Variants in CLASP2 observed in about 807,000 individuals in gnomAD.
CLASP2 encodes the protein cytoplasmic linker associated protein 2, also known as CLIP-associating protein 2.
In CLASP2, 47 loss-of-function variants were observed where a neutral mutation model predicts 194.4. The observed-to-expected ratio is 0.24, with a 90% CI of 0.19 to 0.31. CLASP2 has a LOEUF of 0.31. Among genes scored for constraint, CLASP2 ranks in the 10% least tolerant of loss-of-function variants. CLASP2 has a pLI of 1.00. For synonymous variants in CLASP2, 619 were observed against 633.5 expected, an observed-to-expected ratio of 0.98 and a Z score of 0.34; for missense variants, 1,445 against 1,823.6, an observed-to-expected ratio of 0.79 and a Z score of 3.78.
intron 24 of CLASP2, among the ~76,000 whole-genome samples, chr3:33,573,918 A>G (rs1039570993): frequency 2.0e-5 from 3 of 152,052 alleles, no homozygotes; most frequent in African/African-American, 7.2e-5. Context: ...ATGATGAAAA[A>G]CTATTTAGTC....
At chr3:33,601,578 A>T (rs1358473006) in intron 18 of CLASP2, among the ~76,000 whole-genome samples, 3 of 151,986 alleles carry the variant, frequency 2.0e-5, no homozygotes, top group East Asian at 3.9e-4. Context: ...AATTCAAGAG[A>T]TTTTTTTCCT....
chr3:33,665,625 T>C (rs2086051171), intron 6 of CLASP2, among the ~76,000 whole-genome samples: 3 of 152,186 alleles, frequency 2.0e-5, no homozygotes, highest in Admixed American at 2.0e-4. Context: ...GACTTTTGTT[T>C]GGTATTTATT....
chr3:33,538,440 A>G (rs1441656613), intron 33 of CLASP2, among the ~76,000 whole-genome samples: 1 of 152,224 alleles, frequency 6.6e-6, no homozygotes, highest in Non-Finnish European at 1.5e-5. Context: ...TCATCTCTAT[A>G]TGAAAAATCT....
chr3:33,556,444 T>TC (rs1297327650), intron 29 of CLASP2, among the ~76,000 whole-genome samples: 1 of 151,876 alleles, frequency 6.6e-6, no homozygotes, highest in East Asian at 1.9e-4. Context: ...TCTTTCTTTT[T>TC]TTTTTTTTTG....
At chr3:33,511,488 A>T (rs534726587) in intron 36 of CLASP2, among the ~76,000 whole-genome samples, 2 of 152,274 alleles carry the variant, frequency 1.3e-5, no homozygotes, top group African/African-American at 4.8e-5. Flanking sequence ...GGAGTCCTTG[A>T]GCCCTCTGTA....
chr3:33,512,394 C>A (rs1225106758), intron 36 of CLASP2, among the ~76,000 whole-genome samples: 2 of 23,900 alleles, frequency 8.4e-5, no homozygotes, highest in Non-Finnish European at 1.5e-4. Context: ...ATATCACACT[C>A]TGGGGACTGT....
chr3:33,708,578 A>C (rs2092844332), intron 1 of CLASP2, among the ~76,000 whole-genome samples: 1 of 148,772 alleles, frequency 6.7e-6, no homozygotes, highest in African/African-American at 2.5e-5. Context: ...ACACACACAC[A>C]CACCCCCCAC....
intron 22 of CLASP2, among the ~76,000 whole-genome samples, chr3:33,583,210 A>G (rs2066553068): frequency 6.6e-6 from 1 of 152,188 alleles, no homozygotes; most frequent in Non-Finnish European, 1.5e-5. Context: ...GGAACTGCAT[A>G]TTTCCTTTCA....
rs895013534 is a variant in CLASP2 at position 33,669,585 on chromosome 3, T to TA, written c.645-6071dup. 2.3e-3 allele frequency among the ~76,000 whole-genome samples: 326 copies of TA among 139,994 alleles called. 1 individual carries two copies. The highest frequency in any genetic ancestry group is 5.7e-3 in the African/African-American group (220 of 38,312). The allele number at this position is 139,994 out of a possible 152,430, so 91.8% of individuals were successfully genotyped here. A position where few individuals can be genotyped will look rare whatever the true frequency, so the allele number is the denominator to read the frequency against. On this transcript the variant is annotated intron_variant, in intron 6 of 38. Coordinates refer to ENST00000682230, the MANE Select transcript of CLASP2 (RefSeq NM_001365631.1). ...AAGTTTTTAAAAAGAGAACTCAATT[T>TA]AAAAAAAAAAAAATTGGCAAGAGGC...
intron 1 of CLASP2, among the ~76,000 whole-genome samples, chr3:33,704,102 G>C (rs113664091): frequency 0.027 from 4,094 of 152,270 alleles, 114 homozygotes; most frequent in African/African-American, 0.071. Flanking sequence ...AAGTTTTAGG[G>C]AGAGCACAGA....
At chr3:33,530,380 G>C (rs142840845) in intron 34 of CLASP2, among the ~76,000 whole-genome samples, 2 of 152,254 alleles carry the variant, frequency 1.3e-5, no homozygotes, top group African/African-American at 4.8e-5. Flanking sequence ...TAAGGTAGGA[G>C]AACAGCTTCA....
chr3:33,575,717 T>C (rs950784009), intron 24 of CLASP2, among the ~76,000 whole-genome samples: 1 of 151,954 alleles, frequency 6.6e-6, no homozygotes, highest in Non-Finnish European at 1.5e-5. Context: ...CTATAAGATA[T>C]AATATATCTT....
At chr3:33,502,359 A>G (rs2047040398) in intron 37 of CLASP2, 1 of 152,288 alleles carries the variant, frequency 6.6e-6, no homozygotes, top group South Asian at 2.1e-4. Context: ...GTGATGTTTC[A>G]ATACATGTAC....
chr3:33,659,338 T>C lies in CLASP2; in HGVS notation c.715+4107A>G, dbSNP rs930901977. 98 of 1,114,424 alleles carry C rather than the reference T, an allele frequency of 8.8e-5. No homozygotes were observed. In the African/African-American group the frequency reaches 1.5e-3, roughly 17 times the overall value. The allele number at this position is 1,114,424 out of a possible 1,614,324, so 69.0% of individuals were successfully genotyped here. A position where few individuals can be genotyped will look rare whatever the true frequency, so the allele number is the denominator to read the frequency against. ...AAGAAAAGCTCTGAGAGCCAATAAA[T>C]GCCATCCCGCTGGGGGACTTTTAAT... On this transcript the variant is annotated intron_variant, in intron 7 of 38. Coordinates refer to ENST00000682230, the MANE Select transcript of CLASP2 (RefSeq NM_001365631.1).
intron 37 of CLASP2, among the ~76,000 whole-genome samples, chr3:33,507,460 A>C (rs1422104098): frequency 6.6e-6 from 1 of 152,172 alleles, no homozygotes. Context: ...ATTTAGGTTC[A>C]ATTGCTTTAG....
intron 1 of CLASP2, among the ~76,000 whole-genome samples, chr3:33,698,076 T>C (rs562613243): frequency 6.6e-6 from 1 of 152,228 alleles, no homozygotes; most frequent in Non-Finnish European, 1.5e-5. Flanking sequence ...GAGAAGGATA[T>C]TGGATAAAGT....
chr3:33,680,906 C>G (rs921316160), intron 6 of CLASP2, among the ~76,000 whole-genome samples: 1 of 152,060 alleles, frequency 6.6e-6, no homozygotes, highest in Middle Eastern at 3.2e-3. Context: ...GCAGGCGGAT[C>G]ACGAGGTCAG....
At position 33,505,994 on chromosome 3, in the gene CLASP2, A is replaced by C. The variant is rs1179626605; in HGVS notation, c.4318-4226T>G. On this transcript the variant is annotated intron_variant, in intron 37 of 38. Transcript: ENST00000682230. Reference sequence around the variant, plus strand: ...ATTATACTATGTCCTGGAAGTATTAAGCCAGAAAGTAATTTTTAAAACATT... The same window carrying C: ...ATTATACTATGTCCTGGAAGTATTACGCCAGAAAGTAATTTTTAAAACATT... Among the ~76,000 whole-genome samples, 2 of 152,368 alleles carry C rather than the reference A, an allele frequency of 1.3e-5. 1 individual carries two copies. Among genetic ancestry groups the C allele is most frequent in the Middle Eastern group, 6.8e-3 (2 of 294 alleles).
chr3:33,704,661 G>A (rs764286163), intron 1 of CLASP2, among the ~76,000 whole-genome samples: 16 of 152,072 alleles, frequency 1.1e-4, no homozygotes, highest in Non-Finnish European at 1.9e-4. Context: ...GCTGAGGCAG[G>A]AGAATCACTT....
Sources: gnomAD v4.1 joint callset for allele counts (sites outside exome capture counted in the v4.1 genomes callset) on GRCh38, gnomAD v4.1.1 for gene constraint, MANE v1.5 for transcripts, NCBI Gene and HGNC (gene_info 2026-07-23, HGNC 2026-07-21) for gene names.